Variants in MAN2A1 observed in about 807,000 individuals in gnomAD.
The protein encoded by MAN2A1 is alpha-mannosidase 2.
A neutral mutation model predicts 142.6 loss-of-function variants in MAN2A1; 76 were observed. That is an observed-to-expected ratio of 0.53 (90% CI 0.44 to 0.65). MAN2A1 has a LOEUF of 0.65. Among genes scored for constraint, MAN2A1 ranks in the 30% least tolerant of loss-of-function variants. The probability of loss-of-function intolerance (pLI) is 0.00; values close to 1 mark genes in which losing one functional copy is unlikely to be tolerated. For synonymous variants in MAN2A1, 559 were observed against 473.2 expected (o/e 1.18, Z -2.35); for missense variants, 1,311 against 1,365.1 (o/e 0.96, Z 0.62).
At chr5:109,695,103 G>GT (rs1750776549) in intron 1 of MAN2A1, among the ~76,000 whole-genome samples, 1 of 152,204 alleles carries the variant, frequency 6.6e-6, no homozygotes, top group Admixed American at 6.5e-5. Flanking sequence ...CAACAGCCCT[G>GT]TGGGTCTCTT....
At chr5:109,733,872 C>T (rs932900343) in intron 4 of MAN2A1, among the ~76,000 whole-genome samples, 3 of 152,100 alleles carry the variant, frequency 2.0e-5, no homozygotes, top group African/African-American at 7.2e-5. Context: ...TGATGCTGGC[C>T]TCATAAAATG....
chr5:109,755,319 T>G lies in MAN2A1; in HGVS notation c.708-10T>G. On this transcript the variant is annotated splice_polypyrimidine_tract_variant and intron_variant, in intron 4 of 21. Transcript: ENST00000261483. ...TTTATTAATGTAGACTCTTGTTATT[T>G]TCTCTCTAGTTTAATAGAAAATGGT... The G allele has an allele frequency of 1.2e-6, 2 of 1,604,586 alleles. No homozygotes were observed. Among genetic ancestry groups the G allele is most frequent in the South Asian group, 1.1e-5 (1 of 89,946 alleles).
intron 15 of MAN2A1, among the ~76,000 whole-genome samples, chr5:109,823,325 C>T (rs1365324423): frequency 6.6e-6 from 1 of 152,142 alleles, no homozygotes; most frequent in Non-Finnish European, 1.5e-5. Context: ...TCCTTGCCAC[C>T]TGTCCCAAAC....
intron 15 of MAN2A1, among the ~76,000 whole-genome samples, chr5:109,822,974 G>A (rs1345347989): frequency 6.6e-6 from 1 of 152,126 alleles, no homozygotes; most frequent in Non-Finnish European, 1.5e-5. Flanking sequence ...CACGGCGCCT[G>A]GCCGAAAATC....
intron 19 of MAN2A1, among the ~76,000 whole-genome samples, chr5:109,851,306 TTC>T (rs1192193398): frequency 6.6e-6 from 1 of 152,192 alleles, no homozygotes; most frequent in African/African-American, 2.4e-5. Flanking sequence ...GAAAATAGGA[TTC>T]ATCTCTTTGG....
At chr5:109,823,933 T>A in intron 16 of MAN2A1, 96 bp downstream of exon 16, 1 of 559,224 alleles carries the variant, frequency 1.8e-6, no homozygotes, top group Admixed American at 3.2e-5. Context: ...TTGGTTTTTG[T>A]AGATGATGTT....
chr5:109,849,471 C>T (rs1234123252), intron 19 of MAN2A1, among the ~76,000 whole-genome samples: 2 of 152,206 alleles, frequency 1.3e-5, no homozygotes, highest in South Asian at 2.1e-4. Flanking sequence ...CATACAACTC[C>T]AAGACAGACA....
At chr5:109,806,455 A>C (rs1211542048) in intron 12 of MAN2A1, among the ~76,000 whole-genome samples, 1 of 151,688 alleles carries the variant, frequency 6.6e-6, no homozygotes, top group Non-Finnish European at 1.5e-5. Flanking sequence ...CATCTGAAAA[A>C]CTCTGCTACG....
chr5:109,711,916 C>T (rs903052165), intron 1 of MAN2A1, among the ~76,000 whole-genome samples: 1 of 149,562 alleles, frequency 6.7e-6, no homozygotes, highest in Non-Finnish European at 1.5e-5. Context: ...TGTAGAGGGG[C>T]TCTTTCTGTT....
intron 5 of MAN2A1, among the ~76,000 whole-genome samples, chr5:109,761,519 T>G (rs1163345292): frequency 6.6e-6 from 1 of 152,100 alleles, no homozygotes; most frequent in African/African-American, 2.4e-5. Context: ...TTTGTTCAGT[T>G]AAAAAGTCAT....
chr5:109,804,702 C>G (rs1446198166), intron 12 of MAN2A1, among the ~76,000 whole-genome samples: 1 of 152,080 alleles, frequency 6.6e-6, no homozygotes, highest in Non-Finnish European at 1.5e-5. Context: ...CATATGATGG[C>G]TTACTAATGT....
intron 20 of MAN2A1, among the ~76,000 whole-genome samples, chr5:109,857,318 T>A (rs1413143393): frequency 6.6e-6 from 1 of 151,276 alleles, no homozygotes; most frequent in Non-Finnish European, 1.5e-5. Flanking sequence ...GATTCTGCTG[T>A]GGTTTTTTGT....
intron 4 of MAN2A1, among the ~76,000 whole-genome samples, chr5:109,732,951 G>A (rs2112589920): frequency 6.6e-6 from 1 of 152,202 alleles, no homozygotes; most frequent in East Asian, 1.9e-4. Flanking sequence ...AATTACCTTG[G>A]GCAGTATGGC....
At chr5:109,825,949 C>G (rs1333308898) in intron 16 of MAN2A1, among the ~76,000 whole-genome samples, 2 of 137,978 alleles carry the variant, frequency 1.4e-5, no homozygotes, top group Non-Finnish European at 3.0e-5. Context: ...CTCTATCGCC[C>G]AGGCTGGAGT....
intron 1 of MAN2A1, among the ~76,000 whole-genome samples, chr5:109,696,905 A>G (rs1750829564): frequency 6.6e-6 from 1 of 152,260 alleles, no homozygotes; most frequent in South Asian, 2.1e-4. Flanking sequence ...TTAGGATTCT[A>G]GATTGTAGTA....
chr5:109,695,765 A>AT (rs1433362012), intron 1 of MAN2A1, among the ~76,000 whole-genome samples: 1 of 152,178 alleles, frequency 6.6e-6, no homozygotes, highest in Non-Finnish European at 1.5e-5. Flanking sequence ...TAAAATAGTG[A>AT]TTTTTGCTTC....
intron 3 of MAN2A1, among the ~76,000 whole-genome samples, chr5:109,727,354 A>T (rs1751773994): frequency 1.3e-5 from 2 of 151,934 alleles, no homozygotes; most frequent in South Asian, 4.1e-4. Flanking sequence ...TTCCTTGTGT[A>T]TCTGTGTTCT....
intron 3 of MAN2A1, among the ~76,000 whole-genome samples, chr5:109,719,541 G>A (rs1751546215): frequency 6.6e-6 from 1 of 152,094 alleles, no homozygotes; most frequent in Non-Finnish European, 1.5e-5. Flanking sequence ...ACTCCTAAAT[G>A]AATGTGCAAT....
Position 109,817,446 on chromosome 5 carries a change from G to A in MAN2A1, c.2109+8G>A. On this transcript the variant is annotated splice_region_variant and intron_variant, in intron 13 of 21. Transcript: ENST00000261483. ...TCAGAAACAGCCTATGAGGTATGTT[G>A]TAGCCATAGAACTTAAGGAGGCATT... 6.2e-7 allele frequency: 1 copy of A among 1,612,886 alleles called. No homozygotes were observed. The highest frequency in any genetic ancestry group is 8.5e-7 in the Non-Finnish European group (1 of 1,179,548).
Sources: allele counts gnomAD v4.1 joint callset (sites outside exome capture counted in the v4.1 genomes callset), GRCh38; gene constraint gnomAD v4.1.1; transcripts MANE v1.5; gene names NCBI Gene and HGNC (gene_info 2026-07-23, HGNC 2026-07-21).